The following TOE1 variants were observed in gnomAD, a reference collection of about 807,000 sequenced individuals.
TOE1 encodes the protein target of EGR1 protein 1.
TOE1 carries 50 observed loss-of-function variants against 49.2 expected under a neutral mutation model. The ratio of observed to expected loss-of-function variants is 1.02; its 90% confidence interval spans 0.81 to 1.29. TOE1 has a LOEUF of 1.29. Ranked by LOEUF, TOE1 falls within the 50% of genes most tolerant of loss-of-function variation. TOE1 has a pLI of 0.00. For synonymous variants in TOE1, 221 were observed against 247.0 expected (o/e 0.89, Z 0.99); for missense variants, 544 against 654.4 (o/e 0.83, Z 1.84).
chr1:45,342,811 T>C (rs765505173), intron 6 of TOE1, 32 bp from the exon 7 acceptor site: 11 of 1,613,840 alleles, frequency 6.8e-6, no homozygotes, highest in Non-Finnish European at 9.3e-6. Context: ...GCTTATATGC[T>C]AGTGGACCAT....
chr1:45,341,096 T>C lies in TOE1; in HGVS notation c.76T>C (p.Ser26Pro), dbSNP rs148620104. 1.9e-6 allele frequency: 3 copies of C among 1,614,128 alleles called. No homozygotes were observed. The highest frequency in any genetic ancestry group is 2.5e-6 in the Non-Finnish European group (3 of 1,180,024). Reference protein sequence around the residue: ...SDGGVSKSTTSGEELVVQVPV... With the variant: ...SDGGVSKSTTPGEELVVQVPV... ...AGGTGGTGTCAGCAAAAGCACAACA[T>C]CTGGGGAGGAGCTAGTAGTCCAGGT... The change falls in exon 2 of 8, where the codon TCT (serine) becomes CCT (proline). Residue 26 changes from serine to proline, a missense_variant. Coordinates refer to ENST00000372090, the MANE Select transcript of TOE1 (RefSeq NM_025077.4).
Position 45,342,610 on chromosome 1 carries a change from T to C in TOE1, c.719T>C (p.Val240Ala), listed in dbSNP as rs778955773. The C allele has an allele frequency of 4.3e-6, 7 of 1,614,108 alleles. No homozygotes were observed. In the African/African-American group the frequency reaches 9.3e-5, roughly 22 times the overall value. ...KYAAEFHARF[V>A]ASYLEYAFRK... is the part of the protein sequence containing the mutation. ...GCTGCTGAGTTTCATGCCCGTTTCG[T>C]GGCCTCCTACTTAGAATATGCCTTC... Residue 240 changes from valine (V) to alanine (A), a missense_variant, in exon 6 of 8, where the codon GTG (valine) becomes GCG (alanine). Physicochemically the swap from Val to Ala is moderately conservative, Grantham distance 64. Coordinates refer to ENST00000372090, the MANE Select transcript of TOE1 (RefSeq NM_025077.4).
In TOE1 at chr1:45,341,030, T is replaced by C. The variant is rs779343190; in HGVS notation, c.53-43T>C. 23 of 1,612,630 alleles carry C rather than the reference T, an allele frequency of 1.4e-5. No homozygotes were observed. The Admixed American group carries it at 2.8e-4, about 20-fold the overall frequency. ...TAGCTTGGTGTCTGTTCCCCTGGGC[T>C]CTTTCCTTAAGCATGAACATCCATC... is the stretch of plus-strand genomic sequence containing the variant. On this transcript the variant is annotated intron_variant, in intron 1 of 7. Transcript: ENST00000372090.
At position 45,343,223 on chromosome 1, in the gene TOE1, C is replaced by T. The variant is rs755558494; in HGVS notation, c.1054C>T (p.Leu352=). 2.5e-6 allele frequency: 4 copies of T among 1,614,038 alleles called. No homozygotes were observed. Among genetic ancestry groups the T allele is most frequent in the African/African-American group, 2.7e-5 (2 of 74,990 alleles). The change falls in exon 8 of 8, where the codon CTA becomes TTA. Residue 352 remains leucine, a synonymous_variant. Transcript: ENST00000372090. This position sits in a 1 kb window ranked among gnomAD's most constrained non-coding sequence, Gnocchi z 4.3. ...AAAACGGAAGAGGGCTTTATTGAAC[C>T]TACCGGGGACACAGACCTCTGGGGA... ...REKRKRALLN[L]PGTQTSGEAK... is the part of the protein sequence containing the mutation.
At position 45,342,377 on chromosome 1, in the gene TOE1, C is replaced by G. The variant is rs373393600; in HGVS notation, c.493-7C>G. On this transcript the variant is annotated splice_polypyrimidine_tract_variant and splice_region_variant and intron_variant, in intron 5 of 7. Transcript: ENST00000372090. ...TCCTCCTCATTGACCCCTTTACTTT[C>G]ATCTAGGGTGATGAGAGCCAGAGCC... is the stretch of plus-strand genomic sequence containing the variant. 3 of 1,613,736 alleles carry G rather than the reference C, an allele frequency of 1.9e-6. No homozygotes were observed. The highest frequency in any genetic ancestry group is 2.5e-6 in the Non-Finnish European group (3 of 1,179,764).
Position 45,343,937 on chromosome 1 carries a change from CAA to C in TOE1, c.*245_*246del. On this transcript the variant is annotated 3_prime_UTR_variant, in exon 8 of 8. Coordinates refer to ENST00000372090, the MANE Select transcript of TOE1 (RefSeq NM_025077.4). The surrounding 1 kb of genome is among the most constrained non-coding windows in gnomAD (Gnocchi z 4.3). Reference sequence around the variant, plus strand: ...CTGAAAATGTCTTGGGAAAGTTTTACAAAAAAAAAAATCAACAGAAGCAAGTT... The same window carrying C: ...CTGAAAATGTCTTGGGAAAGTTTTACAAAAAAAAATCAACAGAAGCAAGTT... 20 of 341,900 alleles carry C rather than the reference CAA, an allele frequency of 5.8e-5. No individual in the cohort carries two copies. Among genetic ancestry groups the C allele is most frequent in the Middle Eastern group, 8.1e-4 (1 of 1,238 alleles). 21.2% of individuals were successfully genotyped at this position (341,900 alleles called of 1,614,324 possible). A position where few individuals can be genotyped will look rare whatever the true frequency, so the allele number is the denominator to read the frequency against.
Position 45,342,193 on chromosome 1 carries a change from C to T in TOE1, c.492+86C>T, listed in dbSNP as rs1647037532. 3.2e-6 allele frequency: 5 copies of T among 1,553,442 alleles called. No individual in the cohort carries two copies. In the East Asian group the frequency reaches 1.1e-4, roughly 35 times the overall value. On this transcript the variant is annotated intron_variant, in intron 5 of 7. Coordinates refer to ENST00000372090, the MANE Select transcript of TOE1 (RefSeq NM_025077.4). ...CCTAGGCTGGATGTCTGGGGAGAAT[C>T]TGCTTCTTAGGGAGTATGGGGAATC...
At chr1:45,342,716 G>C in intron 6 of TOE1, 73 bp downstream of exon 6, 1 of 1,599,900 alleles carries the variant, frequency 6.3e-7, no homozygotes, top group South Asian at 1.1e-5. Context: ...TATTTATTGA[G>C]CTCCTACCAT....
chr1:45,341,629 C>A, intron 4 of TOE1, 60 bp downstream of exon 4: 2 of 1,445,166 alleles, frequency 1.4e-6, no homozygotes, highest in South Asian at 1.2e-5. Context: ...TAGAGAGATT[C>A]TAGGGAACAT....
rs772476167 is a variant in TOE1 at position 45,341,965 on chromosome 1, T to A, written c.350T>A (p.Leu117Gln). Reference protein sequence around the residue: ...RQPDKGEHSYLAQVFNLTLLC... With the variant: ...RQPDKGEHSYQAQVFNLTLLC... ...TTCTCCCAGGGTGAACATTCCTATC[T>A]GGCTCAAGTGTTCAATCTCACTCTG... Residue 117 changes from leucine (L) to glutamine (Q), a missense_variant, in exon 5 of 8, where the codon CTG becomes CAG. By Grantham distance (113) the Leu-to-Gln change is moderately radical. Transcript: ENST00000372090. 6.2e-7 allele frequency: 1 copy of A among 1,613,942 alleles called. No individual in the cohort carries two copies. Among genetic ancestry groups the A allele is most frequent in the Non-Finnish European group, 8.5e-7 (1 of 1,179,932 alleles).
At chr1:45,340,745 C>T (rs1646895005) in intron 1 of TOE1, among the ~76,000 whole-genome samples, 1 of 152,108 alleles carries the variant, frequency 6.6e-6, no homozygotes, top group African/African-American at 2.4e-5. Flanking sequence ...GATCCTCAAG[C>T]CCTACAAAAT....
rs1442605172 is a variant in TOE1, at chr1:45,343,233, C to G, written c.1064C>G (p.Thr355Arg). The G allele has an allele frequency of 2.5e-6, 4 of 1,614,010 alleles. No homozygotes were observed. In the South Asian group the frequency reaches 4.4e-5, roughly 18 times the overall value. ...RKRALLNLPG[T>R]QTSGEAKDGP... ...AGGGCTTTATTGAACCTACCGGGGA[C>G]ACAGACCTCTGGGGAAGCTAAGGAT... is the stretch of plus-strand genomic sequence containing the variant. The change falls in exon 8 of 8, where the codon ACA becomes AGA. Residue 355 changes from threonine (T) to arginine (R), a missense_variant. By Grantham distance (71) the Thr-to-Arg change is moderately conservative (BLOSUM62 -1). Transcript: ENST00000372090. This position sits in a 1 kb window ranked among gnomAD's most constrained non-coding sequence, Gnocchi z 4.3.
In TOE1 at chr1:45,342,366, C is replaced by G. The variant is rs755734398; in HGVS notation, c.493-18C>G. On this transcript the variant is annotated intron_variant, in intron 5 of 7. Coordinates refer to ENST00000372090, the MANE Select transcript of TOE1 (RefSeq NM_025077.4). ...GGGGGACTCTGTCCTCCTCATTGAC[C>G]CCTTTACTTTCATCTAGGGTGATGA... 7 of 1,612,336 alleles carry G rather than the reference C, an allele frequency of 4.3e-6. No homozygotes were observed. Among genetic ancestry groups the G allele is most frequent in the Non-Finnish European group, 5.9e-6 (7 of 1,178,962 alleles).
At chr1:45,340,544 T>G (rs1469750684) in intron 1 of TOE1, 1 of 1,396,494 alleles carries the variant, frequency 7.2e-7, no homozygotes, top group African/African-American at 1.5e-5. Flanking sequence ...CTCATAACGG[T>G]TAGTAGTAAT....
intron 6 of TOE1, 26 bp downstream of exon 6, chr1:45,342,669 G>A (rs1245505773): frequency 1.2e-6 from 2 of 1,611,596 alleles, no homozygotes; most frequent in South Asian, 2.2e-5. Context: ...AGGGAAAGGG[G>A]TGGGGCCTGA....
At position 45,341,563 on chromosome 1, in the gene TOE1, A is replaced by C. The variant is rs768268398; in HGVS notation, c.327A>C (p.Pro109=). The C allele has an allele frequency of 6.2e-7, 1 of 1,613,304 alleles. No homozygotes were observed. The highest frequency in any genetic ancestry group is 8.5e-7 in the Non-Finnish European group (1 of 1,179,670). ...SLGLACFKRQ[P]DKGEHSYLAQ... is the part of the protein sequence containing the mutation. ...GCCTCGCCTGCTTCAAGCGGCAGCC[A>C]GACAAGGTATGAGCTGATCTCACCC... Residue 109 remains proline, a synonymous_variant, in exon 4 of 8, where the codon CCA becomes CCC. Transcript: ENST00000372090.
chr1:45,340,386 T>G, intron 1 of TOE1, 82 bp downstream of exon 1: 1 of 1,549,446 alleles, frequency 6.5e-7, no homozygotes, highest in Non-Finnish European at 8.7e-7. Flanking sequence ...TTCTAGAGGC[T>G]CCTCAAGCTT....
Position 45,340,266 on chromosome 1 carries a change from G to A in TOE1, c.14G>A (p.Ser5Asn), listed in dbSNP as rs1310672482. 6.2e-7 allele frequency: 1 copy of A among 1,613,844 alleles called. No individual in the cohort carries two copies. Residue 5 changes from serine to asparagine, a missense_variant, in exon 1 of 8, where the codon AGT (serine) becomes AAT (asparagine). Transcript: ENST00000372090. ...ACGAGCGGTGTCATGGCCGCCGACA[G>A]TGACGATGGCGCAGTTTCAGCTCCC... is the stretch of plus-strand genomic sequence containing the variant. The part of the protein sequence containing the change: MAAD[S>N]DDGAVSAPAA...
Position 45,341,143 on chromosome 1 carries a change from C to T in TOE1, c.123C>T (p.Ser41=). The change falls in exon 2 of 8, where the codon AGC becomes AGT. Residue 41 remains serine, a synonymous_variant. Coordinates refer to ENST00000372090, the MANE Select transcript of TOE1 (RefSeq NM_025077.4). Reference sequence around the variant, plus strand: ...AGGTTCCCGTAGTGGATGTGCAAAGCAACAACTTCAAGGAGATGTGGCCAT... The same window carrying T: ...AGGTTCCCGTAGTGGATGTGCAAAGTAACAACTTCAAGGAGATGTGGCCAT... ...VVQVPVVDVQ[S]NNFKEMWPSL... is the part of the protein sequence containing the mutation. 3 of 1,614,184 alleles carry T rather than the reference C, an allele frequency of 1.9e-6. No individual in the cohort carries two copies. Among genetic ancestry groups the T allele is most frequent in the South Asian group, 1.1e-5 (1 of 91,078 alleles).
Sources: allele counts gnomAD v4.1 joint callset (sites outside exome capture counted in the v4.1 genomes callset), GRCh38; gene constraint gnomAD v4.1.1; non-coding constraint Gnocchi (gnomAD v3.1); transcripts MANE v1.5; gene names NCBI Gene and HGNC (gene_info 2026-07-23, HGNC 2026-07-21).